The following COL23A1 variants were observed in gnomAD, a reference collection of about 807,000 sequenced individuals.
COL23A1 encodes the protein collagen alpha-1(XXIII) chain.
A neutral mutation model predicts 99.3 loss-of-function variants in COL23A1; 97 were observed. The observed-to-expected ratio is 0.98, with a 90% CI of 0.83 to 1.16. COL23A1 has a LOEUF of 1.16. COL23A1 is among the 50% of genes most tolerant of loss of function. The pLI, the probability that COL23A1 is intolerant of heterozygous loss-of-function variation, is 0.00. For synonymous variants in COL23A1, 320 were observed against 308.2 expected, an observed-to-expected ratio of 1.04 and a Z score of -0.40; for missense variants, 762 against 757.4, an observed-to-expected ratio of 1.01 and a Z score of -0.07.
chr5:178,548,750 ATTG>A (rs1390471241), intron 2 of COL23A1, among the ~76,000 whole-genome samples: 4 of 152,040 alleles, frequency 2.6e-5, no homozygotes, highest in Non-Finnish European at 5.9e-5. Context: ...ATGTGTTGAA[ATTG>A]TTTTTTCATT....
chr5:178,479,775 C>T (rs565449662), intron 2 of COL23A1, among the ~76,000 whole-genome samples: 2 of 152,298 alleles, frequency 1.3e-5, no homozygotes, highest in East Asian at 1.9e-4. Flanking sequence ...AAATATAAGG[C>T]GTCCGAATTT....
At chr5:178,248,725 C>T (rs1581445352) in intron 19 of COL23A1, among the ~76,000 whole-genome samples, 1 of 152,216 alleles carries the variant, frequency 6.6e-6, no homozygotes, top group Non-Finnish European at 1.5e-5. Flanking sequence ...ATGATCACCC[C>T]CACTTTGGAG....
Position 178,542,699 on chromosome 5 carries a change from G to A in COL23A1, c.361+17983C>T, listed in dbSNP as rs190319700. Among the ~76,000 whole-genome samples, 479 of 152,144 alleles carry A rather than the reference G, an allele frequency of 3.1e-3. 4 individuals are homozygous for A. The highest frequency in any genetic ancestry group is 0.014 in the Middle Eastern group (4 of 294). ...AGAAAAATGGGAAGGTGGAGAGGAA[G>A]GGGGAGGGGAGGGCTGGGAGCTCTG... On this transcript the variant is annotated intron_variant, in intron 2 of 28. Coordinates refer to ENST00000390654, the MANE Select transcript of COL23A1 (RefSeq NM_173465.4).
chr5:178,582,344 G>A (rs563544068), intron 1 of COL23A1, among the ~76,000 whole-genome samples: 23 of 152,218 alleles, frequency 1.5e-4, no homozygotes, highest in East Asian at 3.9e-4. Flanking sequence ...TAATGGGCAC[G>A]TCAAGGGGCA....
chr5:178,309,940 C>T lies in COL23A1; in HGVS notation c.362-3021G>A, dbSNP rs12518144. 4.7e-4 allele frequency among the ~76,000 whole-genome samples: 10 copies of T among 21,224 alleles called. No individual in the cohort carries two copies. Among genetic ancestry groups the T allele is most frequent in the East Asian group, 4.7e-3 (9 of 1,934 alleles). 13.9% of individuals were successfully genotyped at this position (21,224 alleles called of 152,430 possible). A position where few individuals can be genotyped will look rare whatever the true frequency, so the allele number is the denominator to read the frequency against. ...TGATGTGTGTTCAGGGGAGGAAGGG[C>T]GGGGGGGAGAGGGAGGGAGGGAGAA... On this transcript the variant is annotated intron_variant, in intron 2 of 28. Coordinates refer to ENST00000390654, the MANE Select transcript of COL23A1 (RefSeq NM_173465.4). This position sits in a 1 kb window ranked among gnomAD's most constrained non-coding sequence, Gnocchi z 4.7.
Position 178,382,085 on chromosome 5 carries a change from G to A in COL23A1, c.362-75166C>T, listed in dbSNP as rs189896245. Among the ~76,000 whole-genome samples, 58 of 149,660 alleles carry A rather than the reference G, an allele frequency of 3.9e-4. 2 individuals carry two copies. The East Asian group carries it at 8.1e-3, about 21-fold the overall frequency. ...ATTTCTGGGTTTCGGTTCTCAGTCC[G>A]CACTGGAATCTTCGGGGGGAATGGG... On this transcript the variant is annotated intron_variant, in intron 2 of 28. Coordinates refer to ENST00000390654, the MANE Select transcript of COL23A1 (RefSeq NM_173465.4).
At chr5:178,349,201 TC>T (rs1338293344) in intron 2 of COL23A1, among the ~76,000 whole-genome samples, 1 of 151,590 alleles carries the variant, frequency 6.6e-6, no homozygotes, top group African/African-American at 2.4e-5. Flanking sequence ...TGGATTTTTT[TC>T]CCCCCAAGGT....
chr5:178,418,721 G>C (rs1283915329), intron 2 of COL23A1, among the ~76,000 whole-genome samples: 1 of 150,570 alleles, frequency 6.6e-6, no homozygotes, highest in African/African-American at 2.5e-5. Context: ...GAGGATTAGA[G>C]AGAGAAGATC....
At chr5:178,267,604 C>A (rs1228026180) in intron 7 of COL23A1, among the ~76,000 whole-genome samples, 2 of 152,152 alleles carry the variant, frequency 1.3e-5, no homozygotes, top group African/African-American at 4.8e-5. Context: ...CCATTCGAGG[C>A]CCCAGACATT....
At chr5:178,351,870 C>A in intron 2 of COL23A1, 1 of 152,164 alleles carries the variant, frequency 6.6e-6, no homozygotes, top group East Asian at 1.9e-4. Flanking sequence ...GAAGGACTGG[C>A]GCTCTTATAA....
chr5:178,247,532 A>G lies in COL23A1; in HGVS notation c.1290T>C (p.Gly430=). 1 of 1,614,018 alleles carries G rather than the reference A, an allele frequency of 6.2e-7. No homozygotes were observed. The highest frequency in any genetic ancestry group is 8.5e-7 in the Non-Finnish European group (1 of 1,179,954). The change falls in exon 22 of 29, where the codon GGT becomes GGC. Residue 430 remains glycine (G), a synonymous_variant. Transcript: ENST00000390654. ...GGGGTCTGTGCCCACTCACCTTGGG[A>G]CCCTGGATTCCCTGGAGGCCCTGCA... The part of the protein sequence containing the change: ...PGPMGLQGIQ[G]PKGLDGAKGE...
chr5:178,452,284 A>C (rs1767532905), intron 2 of COL23A1, among the ~76,000 whole-genome samples: 1 of 152,194 alleles, frequency 6.6e-6, no homozygotes, highest in Non-Finnish European at 1.5e-5. Context: ...TTATCAGTTG[A>C]AACAACTGAG....
chr5:178,354,488 G>C (rs976643259), intron 2 of COL23A1, among the ~76,000 whole-genome samples: 22 of 152,270 alleles, frequency 1.4e-4, no homozygotes, highest in Admixed American at 1.3e-3. Flanking sequence ...GTGGGGCTTG[G>C]TGGGAGGTGA....
chr5:178,341,034 G>C (rs1314468625), intron 2 of COL23A1, among the ~76,000 whole-genome samples: 2 of 152,166 alleles, frequency 1.3e-5, no homozygotes, highest in Admixed American at 1.3e-4. Flanking sequence ...TGAGACAATT[G>C]GGCTGACCTT....
chr5:178,273,178 T>C (rs946755209), intron 5 of COL23A1, among the ~76,000 whole-genome samples: 8 of 152,200 alleles, frequency 5.3e-5, no homozygotes, highest in Non-Finnish European at 1.5e-5. Context: ...GGGCTCTGCC[T>C]TTCTAGAAGT....
intron 1 of COL23A1, among the ~76,000 whole-genome samples, chr5:178,574,834 T>A (rs1763271995): frequency 6.6e-6 from 1 of 152,208 alleles, no homozygotes; most frequent in Non-Finnish European, 1.5e-5. Context: ...TCCACCTGAC[T>A]TCTCTTCAAA....
intron 1 of COL23A1, among the ~76,000 whole-genome samples, chr5:178,565,633 A>C (rs1380550624): frequency 1.3e-5 from 2 of 152,118 alleles, no homozygotes; most frequent in Non-Finnish European, 2.9e-5. Context: ...GCCAATTGCT[A>C]TTATCTTATC....
chr5:178,348,362 G>A (rs1761108014), intron 2 of COL23A1, among the ~76,000 whole-genome samples: 1 of 152,186 alleles, frequency 6.6e-6, no homozygotes, highest in Non-Finnish European at 1.5e-5. Context: ...TTACTGAGGA[G>A]GGGACACCTC....
intron 2 of COL23A1, among the ~76,000 whole-genome samples, chr5:178,453,693 A>G (rs1231296426): frequency 6.6e-6 from 1 of 152,198 alleles, no homozygotes; most frequent in Admixed American, 6.5e-5. Flanking sequence ...CACAATGCAG[A>G]TGAGGGCAAA....
Sources: gnomAD v4.1 joint callset for allele counts (sites outside exome capture counted in the v4.1 genomes callset) on GRCh38, gnomAD v4.1.1 for gene constraint, Gnocchi (gnomAD v3.1) non-coding constraint, MANE v1.5 for transcripts, NCBI Gene and HGNC (gene_info 2026-07-23, HGNC 2026-07-21) for gene names.